LPP: variants seen among roughly 807,000 people sequenced by gnomAD.
LPP encodes LIM domain containing preferred translocation partner in lipoma.
In LPP, 38 loss-of-function variants were observed where a neutral mutation model predicts 60.4. The observed-to-expected ratio is 0.63, with a 90% CI of 0.49 to 0.83. The LOEUF is 0.83. LPP is among the 40% of genes least tolerant of loss of function. The pLI, the probability that LPP is intolerant of heterozygous loss-of-function variation, is 0.00. For synonymous variants in LPP, 328 were observed against 290.8 expected, an observed-to-expected ratio of 1.13 and a Z score of -1.30; for missense variants, 902 against 783.6, an observed-to-expected ratio of 1.15 and a Z score of -1.80.
rs75710533 is a variant in LPP at position 188,480,027 on chromosome 3, C to T, written c.194-4565C>T. ...GTAGATGCCTTTCGTATCTGACTGA[C>T]GCAAGTGTTAGGGTAACCACAGTGG... is the stretch of plus-strand genomic sequence containing the variant. On this transcript the variant is annotated intron_variant, in intron 4 of 11. Transcript: ENST00000617246. 7.0e-3 allele frequency among the ~76,000 whole-genome samples: 1,065 copies of T among 152,312 alleles called. 36 individuals carry two copies. Among genetic ancestry groups the T allele is most frequent in the Admixed American group, 0.051 (788 of 15,302 alleles).
intron 9 of LPP, among the ~76,000 whole-genome samples, chr3:188,783,624 T>C (rs1740547639): frequency 6.6e-6 from 1 of 151,976 alleles, no homozygotes; most frequent in Admixed American, 6.6e-5. Context: ...ACCTGAGTGG[T>C]GAAATAATCT....
At chr3:188,685,390 CTG>C (rs1345142222) in intron 7 of LPP, among the ~76,000 whole-genome samples, 1 of 152,030 alleles carries the variant, frequency 6.6e-6, no homozygotes, top group Non-Finnish European at 1.5e-5. Flanking sequence ...AAAATGGTCT[CTG>C]TGGTTGAATT....
chr3:188,657,615 CT>C (rs1414855239), intron 7 of LPP, among the ~76,000 whole-genome samples: 1 of 151,898 alleles, frequency 6.6e-6, no homozygotes, highest in Admixed American at 6.6e-5. Flanking sequence ...ATCTATGGGC[CT>C]TTTTTTCTTA....
At chr3:188,371,791 A>T (rs1773331175) in intron 3 of LPP, among the ~76,000 whole-genome samples, 1 of 149,098 alleles carries the variant, frequency 6.7e-6, no homozygotes, top group South Asian at 2.1e-4. Flanking sequence ...AGCAGCTGGG[A>T]TTGCAGGTGT....
intron 2 of LPP, among the ~76,000 whole-genome samples, 190 bp from the exon 3 acceptor site, chr3:188,341,473 C>G (rs971779753): frequency 1.3e-5 from 2 of 152,162 alleles, no homozygotes; most frequent in African/African-American, 4.8e-5. Context: ...CTTCTGTTTC[C>G]TCACCTATGA....
intron 9 of LPP, among the ~76,000 whole-genome samples, chr3:188,843,620 T>C (rs1246991823): frequency 6.6e-6 from 1 of 151,168 alleles, no homozygotes; most frequent in East Asian, 2.0e-4. Context: ...ACCCCGTCTC[T>C]ACTAAAAATA....
At chr3:188,413,731 A>G (rs1785450626) in intron 4 of LPP, among the ~76,000 whole-genome samples, 2 of 152,146 alleles carry the variant, frequency 1.3e-5, no homozygotes, top group South Asian at 4.1e-4. Context: ...ATCTTACCAA[A>G]TATTCTTAGG....
intron 9 of LPP, among the ~76,000 whole-genome samples, chr3:188,782,663 C>T (rs1740188396): frequency 6.6e-6 from 1 of 151,920 alleles, no homozygotes; most frequent in Non-Finnish European, 1.5e-5. Context: ...TCCTGTTATA[C>T]CCTCCTAGCA....
At position 188,302,678 on chromosome 3, in the gene LPP, A is replaced by G. The variant is rs144181968; in HGVS notation, c.-66-38985A>G. Among the ~76,000 whole-genome samples, 15 of 152,356 alleles carry G rather than the reference A, an allele frequency of 9.8e-5. No individual in the cohort carries two copies. The Middle Eastern group carries it at 0.014, about 138-fold the overall frequency. ...TGCACCTTATGAAGCAAACAAACCA[A>G]TGAAATGCAGTAACTCCCTTCAAAC... On this transcript the variant is annotated intron_variant, in intron 2 of 11. Transcript: ENST00000617246.
At position 188,463,536 on chromosome 3, in the gene LPP, T is replaced by G. The variant is rs562896778; in HGVS notation, c.194-21056T>G. Among the ~76,000 whole-genome samples the G allele has an allele frequency of 2.0e-5, 3 of 152,280 alleles. No individual in the cohort carries two copies. The East Asian group carries it at 5.8e-4, about 29-fold the overall frequency. Reference sequence around the variant, plus strand: ...TCATTAATGTCGTCTTATTCCTGTGTAAATAACTTCCACTCCCATTTCATT... The same window carrying G: ...TCATTAATGTCGTCTTATTCCTGTGGAAATAACTTCCACTCCCATTTCATT... On this transcript the variant is annotated intron_variant, in intron 4 of 11. Transcript: ENST00000617246.
chr3:188,767,287 G>C (rs1016942321), intron 9 of LPP, among the ~76,000 whole-genome samples: 2 of 152,050 alleles, frequency 1.3e-5, no homozygotes, highest in Non-Finnish European at 2.9e-5. Context: ...TCAGTACAAA[G>C]GTATCAAGCA....
Position 188,874,414 on chromosome 3 carries a change from C to T in LPP, c.1774C>T (p.Leu592Phe). 1 of 1,614,210 alleles carries T rather than the reference C, an allele frequency of 6.2e-7. No individual in the cohort carries two copies. Among genetic ancestry groups the T allele is most frequent in the Non-Finnish European group, 8.5e-7 (1 of 1,180,008 alleles). ...CTGCTACCCCTTGGATGGGCACATC[C>T]TCTGCAAGACCTGCAACTCTGCCCG... The part of the protein sequence containing the change: ...QGCYPLDGHI[L>F]CKTCNSARIR... The change falls in exon 12 of 12, where the codon CTC becomes TTC. Residue 592 changes from leucine (L) to phenylalanine (F), a missense_variant. Coordinates refer to ENST00000617246, the MANE Select transcript of LPP (RefSeq NM_001375462.1).
At chr3:188,367,544 G>A (rs1293197437) in intron 3 of LPP, among the ~76,000 whole-genome samples, 2 of 152,200 alleles carry the variant, frequency 1.3e-5, no homozygotes, top group Non-Finnish European at 2.9e-5. Context: ...TAAAAATAGA[G>A]TTAAATGTAC....
At chr3:188,497,660 T>C (rs1810642616) in intron 5 of LPP, among the ~76,000 whole-genome samples, 1 of 152,154 alleles carries the variant, frequency 6.6e-6, no homozygotes, top group Non-Finnish European at 1.5e-5. Context: ...AGGTATTTCA[T>C]GGAGAGATGA....
chr3:188,259,232 C>T (rs1303385997), intron 2 of LPP, among the ~76,000 whole-genome samples: 3 of 152,152 alleles, frequency 2.0e-5, no homozygotes, highest in Non-Finnish European at 4.4e-5. Context: ...GAGATAATCA[C>T]CGTGGCTCCC....
intron 2 of LPP, among the ~76,000 whole-genome samples, chr3:188,253,144 T>C (rs9843715): frequency 8.6e-5 from 13 of 151,874 alleles, no homozygotes; most frequent in African/African-American, 3.1e-4. Flanking sequence ...GGAAATTAGA[T>C]ATATTGGCCT....
At chr3:188,825,265 CTCTCTGTGTGTGTGTGTG>C (rs1466874419) in intron 9 of LPP, among the ~76,000 whole-genome samples, 13 of 100,732 alleles carry the variant, frequency 1.3e-4, no homozygotes, top group African/African-American at 4.9e-4. Flanking sequence ...CTCTCTCTCT[CTCTCTGTGTGTGTGTGTG>C]TGTGTGTGTG....
At chr3:188,807,996 G>A (rs905715956) in intron 9 of LPP, among the ~76,000 whole-genome samples, 31 of 152,092 alleles carry the variant, frequency 2.0e-4, no homozygotes, top group African/African-American at 7.5e-4. Flanking sequence ...AAATGAACAT[G>A]CCTTTTCTTT....
rs150898297 is a variant in LPP at position 188,320,133 on chromosome 3, T to C, written c.-66-21530T>C. ...CGTACATGATGTTAATGTGAGTTAT[T>C]ACTGGTGATGTTAATTGTGATAGTG... is the stretch of plus-strand genomic sequence containing the variant. On this transcript the variant is annotated intron_variant, in intron 2 of 11. Coordinates refer to ENST00000617246, the MANE Select transcript of LPP (RefSeq NM_001375462.1). Among the ~76,000 whole-genome samples, 96 of 152,370 alleles carry C rather than the reference T, an allele frequency of 6.3e-4. 1 individual carries two copies. Among genetic ancestry groups the C allele is most frequent in the Admixed American group, 2.8e-3 (43 of 15,306 alleles).
Sources: gnomAD v4.1 joint callset for allele counts (sites outside exome capture counted in the v4.1 genomes callset) on GRCh38, gnomAD v4.1.1 for gene constraint, MANE v1.5 for transcripts, NCBI Gene and HGNC (gene_info 2026-07-23, HGNC 2026-07-21) for gene names.